WDR1: variants seen among roughly 807,000 people sequenced by gnomAD.
The protein encoded by WDR1 is WD repeat-containing protein 1.
Under a neutral mutation model 71.9 loss-of-function variants are expected in WDR1, and 21 were observed. The ratio of observed to expected loss-of-function variants is 0.29; its 90% CI spans 0.21 to 0.42. The LOEUF (loss-of-function observed/expected upper bound fraction) is 0.42, where lower values mean the gene tolerates loss of function less well. Ranked by LOEUF, WDR1 falls within the 10% of genes least tolerant of loss-of-function variation. The pLI, the probability that WDR1 is intolerant of heterozygous loss-of-function variation, is 1.00. For missense variants in WDR1, 696 were observed against 824.5 expected, an observed-to-expected ratio of 0.84 and a Z score of 1.91; for synonymous variants, 424 against 347.4, an observed-to-expected ratio of 1.22 and a Z score of -2.45.
At chr4:10,111,232 C>T (rs911604542) in intron 2 of WDR1, among the ~76,000 whole-genome samples, 1 of 152,192 alleles carries the variant, frequency 6.6e-6, no homozygotes, top group Non-Finnish European at 1.5e-5. Context: ...CACTGCACAC[C>T]AGCACTTCTC....
chr4:10,106,936 T>C (rs1328965708), intron 2 of WDR1, among the ~76,000 whole-genome samples: 3 of 152,132 alleles, frequency 2.0e-5, no homozygotes, highest in African/African-American at 7.2e-5. Context: ...TGGGTCGAGA[T>C]GGCACCTTGA....
intron 2 of WDR1, among the ~76,000 whole-genome samples, chr4:10,112,818 C>G (rs1439556067): frequency 6.6e-6 from 1 of 152,210 alleles, no homozygotes; most frequent in Non-Finnish European, 1.5e-5. Flanking sequence ...CTACTGTGTG[C>G]CAGACACTCT....
chr4:10,088,479 G>T, intron 6 of WDR1, 106 bp from the exon 7 acceptor site: 1 of 1,253,006 alleles, frequency 8.0e-7, no homozygotes, highest in Non-Finnish European at 1.1e-6. Context: ...CACAGACTAA[G>T]CTCCCAGTGT....
chr4:10,090,353 G>C (rs1263642368), intron 5 of WDR1, among the ~76,000 whole-genome samples: 3 of 152,172 alleles, frequency 2.0e-5, no homozygotes, highest in Non-Finnish European at 4.4e-5. Flanking sequence ...TCAGGTGCCT[G>C]GGGGTCCCAA....
At chr4:10,097,656 T>A (rs1297548621) in intron 5 of WDR1, 55 bp downstream of exon 5, 2 of 1,557,232 alleles carry the variant, frequency 1.3e-6, no homozygotes, top group Non-Finnish European at 1.7e-6. Context: ...AGGCTCAGCC[T>A]CTGCTAGCCT....
At chr4:10,105,597 AAAAAG>A (rs1712967820) in intron 2 of WDR1, among the ~76,000 whole-genome samples, 1 of 152,226 alleles carries the variant, frequency 6.6e-6, no homozygotes, top group Non-Finnish European at 1.5e-5. Context: ...TAGAATCAAT[AAAAAG>A]AAAAGACTGA....
intron 3 of WDR1, among the ~76,000 whole-genome samples, chr4:10,100,887 C>T (rs1448829948): frequency 6.6e-6 from 1 of 152,208 alleles, no homozygotes; most frequent in Non-Finnish European, 1.5e-5. Flanking sequence ...CACATGCACA[C>T]ATGTCCACAC....
intron 3 of WDR1, among the ~76,000 whole-genome samples, chr4:10,102,283 G>C (rs1401539729): frequency 6.6e-6 from 1 of 152,236 alleles, no homozygotes; most frequent in Non-Finnish European, 1.5e-5. Flanking sequence ...AGGAAGGTGA[G>C]TTACTCAACT....
chr4:10,090,450 C>T (rs796237926), intron 5 of WDR1, among the ~76,000 whole-genome samples: 32 of 152,202 alleles, frequency 2.1e-4, no homozygotes, highest in African/African-American at 7.7e-4. Flanking sequence ...GCAATGTCCC[C>T]AGGGCAGGCA....
intron 7 of WDR1, 120 bp downstream of exon 7, chr4:10,088,173 G>C: frequency 1.9e-6 from 2 of 1,056,976 alleles, no homozygotes; most frequent in Non-Finnish European, 2.9e-6. Flanking sequence ...ATATAAAACC[G>C]CCCCGACTTA....
chr4:10,113,907 T>G lies in WDR1; in HGVS notation c.138+2206A>C, dbSNP rs62288547. Among the ~76,000 whole-genome samples, 748 of 152,310 alleles carry G rather than the reference T, an allele frequency of 4.9e-3. 3 individuals are homozygous for G. The highest frequency in any genetic ancestry group is 7.9e-3 in the South Asian group (38 of 4,834). ...ACACAAATTTGGCTTGGAGTATGTA[T>G]GTTGAGTCTGAGATGTCAATGAGAC... On this transcript the variant is annotated intron_variant, in intron 2 of 14. Coordinates refer to ENST00000499869, the MANE Select transcript of WDR1 (RefSeq NM_017491.5).
chr4:10,115,975 G>A, intron 2 of WDR1, 138 bp downstream of exon 2: 1 of 1,222,476 alleles, frequency 8.2e-7, no homozygotes, highest in Non-Finnish European at 1.1e-6. Context: ...TCCGAGGTGT[G>A]GCTCCCGGTA....
At chr4:10,082,272 C>A (rs930808655) in intron 10 of WDR1, among the ~76,000 whole-genome samples, 2 of 152,226 alleles carry the variant, frequency 1.3e-5, no homozygotes, top group African/African-American at 4.8e-5. Flanking sequence ...GAGTTGCGTG[C>A]TGCACCCTGT....
intron 5 of WDR1, among the ~76,000 whole-genome samples, chr4:10,090,462 T>C (rs1050897013): frequency 6.6e-6 from 1 of 152,210 alleles, no homozygotes; most frequent in Non-Finnish European, 1.5e-5. Flanking sequence ...GGGCAGGCAG[T>C]TCTCGTAGAG....
chr4:10,087,966 T>A (rs776130808), intron 7 of WDR1, 26 bp from the exon 8 acceptor site: 8 of 1,538,290 alleles, frequency 5.2e-6, no homozygotes, highest in Non-Finnish European at 7.0e-6. Flanking sequence ...CAGTGTGTCA[T>A]GTGCCAGAGG....
At chr4:10,092,931 C>T in intron 5 of WDR1, 1 of 604,954 alleles carries the variant, frequency 1.7e-6, no homozygotes, top group South Asian at 1.5e-5. Context: ...GTGTCCGGTC[C>T]ACACTCCTGC....
chr4:10,097,092 G>A (rs373145021), intron 5 of WDR1, among the ~76,000 whole-genome samples: 8 of 152,216 alleles, frequency 5.3e-5, no homozygotes, highest in East Asian at 1.9e-4. Context: ...TGCTGGCCCC[G>A]GCACACCCCC....
intron 14 of WDR1, chr4:10,076,914 C>T (rs1764818448): frequency 5.2e-6 from 1 of 190,564 alleles, no homozygotes; most frequent in South Asian, 1.3e-4. Flanking sequence ...ATCATTTCAC[C>T]TGTTTCTTTT....
At chr4:10,115,984 T>A in intron 2 of WDR1, 129 bp downstream of exon 2, 23 of 1,309,214 alleles carry the variant, frequency 1.8e-5, no homozygotes, top group Non-Finnish European at 2.4e-5. Context: ...TGGCTCCCGG[T>A]AGAGGGGGCG....
Sources: gnomAD v4.1 joint callset for allele counts (sites outside exome capture counted in the v4.1 genomes callset) on GRCh38, gnomAD v4.1.1 for gene constraint, MANE v1.5 for transcripts, NCBI Gene and HGNC (gene_info 2026-07-23, HGNC 2026-07-21) for gene names.